Variants in ANKRD30B observed in about 807,000 individuals in gnomAD.
ANKRD30B encodes ankyrin repeat domain 30B.
Under a neutral mutation model 202.2 loss-of-function variants are expected in ANKRD30B, and 144 were observed. That is an observed-to-expected ratio of 0.71 (90% CI 0.62 to 0.82). The LOEUF (loss-of-function observed/expected upper bound fraction) is 0.82, where lower values mean the gene tolerates loss of function less well. ANKRD30B is among the 40% of genes least tolerant of loss of function. The pLI, the probability that ANKRD30B is intolerant of heterozygous loss-of-function variation, is 0.00. For missense variants in ANKRD30B, 1,487 were observed against 1,669.1 expected (o/e 0.89, Z 1.90); for synonymous variants, 508 against 561.3 (o/e 0.91, Z 1.34).
At chr18:14,844,729 A>G (rs1971561330) in intron 39 of ANKRD30B, among the ~76,000 whole-genome samples, 1 of 152,168 alleles carries the variant, frequency 6.6e-6, no homozygotes, top group Non-Finnish European at 1.5e-5. Flanking sequence ...ATTTCTCCAC[A>G]GCCTCTCCAG....
the ANKRD30B span, among the ~76,000 whole-genome samples, chr18:14,940,712 T>A: frequency 1.3e-5 from 2 of 152,204 alleles, no homozygotes; most frequent in South Asian, 4.1e-4. Context: ...TCCTGGGAAG[T>A]CACTGCTTCC....
the ANKRD30B span, among the ~76,000 whole-genome samples, chr18:14,934,774 G>T: frequency 1.3e-5 from 2 of 152,152 alleles, no homozygotes; most frequent in Non-Finnish European, 2.9e-5. Flanking sequence ...TGAAACAGAA[G>T]GCATCTGGGA....
intron 3 of ANKRD30B, 103 bp from the exon 4 acceptor site, chr18:14,754,796 T>C: frequency 1.3e-6 from 1 of 783,312 alleles, no homozygotes; most frequent in South Asian, 4.0e-5. Context: ...CTTATTTACT[T>C]TCTACTTTAT....
intron 1 of ANKRD30B, among the ~76,000 whole-genome samples, chr18:14,749,902 T>C (rs1174827936): frequency 2.6e-5 from 4 of 151,922 alleles, no homozygotes; most frequent in Admixed American, 2.6e-4. Flanking sequence ...ATAAGTGAAA[T>C]GCCTGCTTTT....
the ANKRD30B span, among the ~76,000 whole-genome samples, chr18:14,869,971 T>G: frequency 0.97 from 146,665 of 150,812 alleles, 71,469 homozygotes; most frequent in Middle Eastern, 1. Context: ...GAGTAGCTGG[T>G]ATTACAGGCA....
chr18:14,767,684 G>A (rs1477438976), intron 7 of ANKRD30B, among the ~76,000 whole-genome samples: 2 of 147,080 alleles, frequency 1.4e-5, no homozygotes, highest in African/African-American at 2.6e-5. Context: ...AATGTTGATG[G>A]TTGGGACTCA....
chr18:14,925,621 G>C, the ANKRD30B span, among the ~76,000 whole-genome samples: 1 of 152,376 alleles, frequency 6.6e-6, no homozygotes, highest in East Asian at 1.9e-4. Context: ...TCTGAGGGAA[G>C]AGTGTATTCG....
At chr18:14,909,864 T>C in the ANKRD30B span, 1 of 152,158 alleles carries the variant, frequency 6.6e-6, no homozygotes, top group Non-Finnish European at 1.5e-5. Flanking sequence ...AGCATCTACT[T>C]TGTGGTTTCC....
the ANKRD30B span, among the ~76,000 whole-genome samples, chr18:14,904,680 A>T: frequency 6.6e-6 from 1 of 152,128 alleles, no homozygotes; most frequent in Non-Finnish European, 1.5e-5. Flanking sequence ...ATATTTAGAG[A>T]TTTATTCTTA....
intron 18 of ANKRD30B, among the ~76,000 whole-genome samples, 181 bp from the exon 19 acceptor site, chr18:14,797,480 C>T (rs1968989567): frequency 6.6e-6 from 1 of 152,148 alleles, no homozygotes; most frequent in South Asian, 2.1e-4. Flanking sequence ...GCAATAGTTT[C>T]AGGGGGTCTC....
chr18:14,853,161 A>G (rs1327451636), intron 42 of ANKRD30B, among the ~76,000 whole-genome samples: 4 of 151,922 alleles, frequency 2.6e-5, no homozygotes, highest in Non-Finnish European at 4.4e-5. Flanking sequence ...CATAATTTCT[A>G]TTTCAAGGCT....
intron 16 of ANKRD30B, among the ~76,000 whole-genome samples, chr18:14,792,650 C>A (rs1239103913): frequency 6.6e-6 from 1 of 151,716 alleles, no homozygotes; most frequent in African/African-American, 2.4e-5. Flanking sequence ...GCTCCAGAGA[C>A]TTTTGGAATC....
Position 14,796,395 on chromosome 18 carries a change from A to T in ANKRD30B, c.1907A>T (p.Asp636Val). ...SLPNKALELK[D>V]RETFKAESPD... ...CCAAATAAAGCCTTAGAATTAAAGG[A>T]CAGAGAAACATTCAAAGCAGGTAAA... The change falls in exon 18 of 44, where the codon GAC becomes GTC. Residue 636 changes from aspartate (D) to valine (V), a missense_variant. By Grantham distance (152) the Asp-to-Val change is radical. Around this residue, in one of 6 missense-constraint regions of ANKRD30B, gnomAD observed 889 missense variants for 841.4 expected, o/e 1.06. Coordinates refer to ENST00000690538, the MANE Select transcript of ANKRD30B (RefSeq NM_001367607.2). 6.4e-7 allele frequency: 1 copy of T among 1,556,736 alleles called. No individual in the cohort carries two copies. Among genetic ancestry groups the T allele is most frequent in the Non-Finnish European group, 8.7e-7 (1 of 1,150,170 alleles).
chr18:14,791,933 G>C (rs9283030), intron 16 of ANKRD30B, among the ~76,000 whole-genome samples: 64,900 of 151,826 alleles, frequency 0.43, 15,834 homozygotes, highest in African/African-American at 0.68. Context: ...AAACATACCA[G>C]AGAATTACAG....
rs201255823 is a variant in ANKRD30B at position 14,784,361 on chromosome 18, C to T, written c.1596C>T (p.Phe532=). ...VEELPEKPSA[F]KPAVEMQKTV... ...AGCTTCCTGAGAAGCCATCTGCCTT[C>T]AAGGTATTTAGTTTTATGGTTTCAT... Residue 532 remains phenylalanine, a synonymous_variant, in exon 13 of 44, where the codon TTC becomes TTT. Coordinates refer to ENST00000690538, the MANE Select transcript of ANKRD30B (RefSeq NM_001367607.2). 1,682 of 1,612,866 alleles carry T rather than the reference C, an allele frequency of 1.0e-3. 3 individuals are homozygous for T. Among genetic ancestry groups the T allele is most frequent in the Non-Finnish European group, 1.4e-3 (1,611 of 1,179,238 alleles).
intron 7 of ANKRD30B, among the ~76,000 whole-genome samples, chr18:14,765,762 C>A (rs1364221994): frequency 1.3e-5 from 2 of 151,792 alleles, no homozygotes; most frequent in Non-Finnish European, 2.9e-5. Context: ...TTTTTGTCAC[C>A]AATCTGTGGC....
the ANKRD30B span, among the ~76,000 whole-genome samples, chr18:14,922,654 C>A: frequency 0.012 from 1,272 of 104,014 alleles, no homozygotes; most frequent in Middle Eastern, 0.021. Context: ...GACTCCGTCT[C>A]AAAAAAAAAA....
chr18:14,806,246 G>A (rs1969507092), intron 24 of ANKRD30B, among the ~76,000 whole-genome samples: 1 of 149,776 alleles, frequency 6.7e-6, no homozygotes, highest in African/African-American at 2.5e-5. Flanking sequence ...AAAAATCATA[G>A]TGTGCATTTT....
At chr18:14,844,697 C>T (rs981654920) in intron 39 of ANKRD30B, among the ~76,000 whole-genome samples, 1 of 152,188 alleles carries the variant, frequency 6.6e-6, no homozygotes, top group Non-Finnish European at 1.5e-5. Flanking sequence ...TACACTCCCA[C>T]CAACAGTGTA....
Sources: allele counts gnomAD v4.1 joint callset (sites outside exome capture counted in the v4.1 genomes callset), GRCh38; gene constraint gnomAD v4.1.1; regional missense constraint gnomAD v4.1.1; transcripts MANE v1.5; gene names NCBI Gene and HGNC (gene_info 2026-07-23, HGNC 2026-07-21).